Variants in SEC23IP observed in about 807,000 individuals in gnomAD.
SEC23IP encodes SEC23 interacting protein, also known as SEC23-interacting protein.
In SEC23IP, 70 loss-of-function variants were observed where a neutral mutation model predicts 113.4. That is an observed-to-expected ratio of 0.62 (90% CI 0.51 to 0.75). SEC23IP has a LOEUF of 0.75. Ranked by LOEUF, SEC23IP falls within the 30% of genes least tolerant of loss-of-function variation. SEC23IP has a pLI of 0.00. For missense variants in SEC23IP, 1,160 were observed against 1,204.9 expected (o/e 0.96, Z 0.55); for synonymous variants, 398 against 421.0 (o/e 0.95, Z 0.67).
rs750315435 is a variant in SEC23IP at position 119,898,811 on chromosome 10, A to G, written c.548A>G (p.Tyr183Cys). The change falls in exon 2 of 19, where the codon TAT (tyrosine) becomes TGT (cysteine). Residue 183 changes from tyrosine (Y) to cysteine (C), a missense_variant. Tyr to Cys is a radical substitution (Grantham distance 194, BLOSUM62 -2). Coordinates refer to ENST00000369075, the MANE Select transcript of SEC23IP (RefSeq NM_007190.4). ...ATTCCCCAACCAGGATACAATCCAT[A>G]TCGCCATACCCCTGGCAGCAGCAGG... ...QGIPQPGYNP[Y>C]RHTPGSSRAN... is the part of the protein sequence containing the mutation. 22 of 1,614,008 alleles carry G rather than the reference A, an allele frequency of 1.4e-5. No individual in the cohort carries two copies. The highest frequency in any genetic ancestry group is 1.7e-5 in the Non-Finnish European group (20 of 1,180,014).
In SEC23IP at chr10:119,917,825, T is replaced by C; in HGVS notation, c.1545-11T>C. The C allele has an allele frequency of 6.2e-7, 1 of 1,607,448 alleles. No homozygotes were observed. Among genetic ancestry groups the C allele is most frequent in the Non-Finnish European group, 8.5e-7 (1 of 1,174,940 alleles). On this transcript the variant is annotated splice_polypyrimidine_tract_variant and intron_variant, in intron 8 of 18. Transcript: ENST00000369075. ...GCTGACTGAATGTGCTGTATTTTTC[T>C]TTTTAAACAGGAATATTAAGAAAAT...
chr10:119,926,011 G>GT, intron 12 of SEC23IP, 25 bp from the exon 13 acceptor site: 1 of 1,586,416 alleles, frequency 6.3e-7, no homozygotes, highest in African/African-American at 1.4e-5. Context: ...TCATGATTAT[G>GT]TTACTAAATT....
At chr10:119,932,354 T>C in intron 16 of SEC23IP, 36 bp downstream of exon 16, 1 of 1,483,510 alleles carries the variant, frequency 6.7e-7, no homozygotes, top group Non-Finnish European at 9.4e-7. Context: ...CTAATACAAA[T>C]GTTTCATATG....
chr10:119,937,627 AAAAAAAAAAC>A (rs1179011754), intron 18 of SEC23IP, among the ~76,000 whole-genome samples: 1 of 151,836 alleles, frequency 6.6e-6, no homozygotes, highest in Non-Finnish European at 1.5e-5. Context: ...CTCCGTCTAA[AAAAAAAAAAC>A]AAAAAAACAA....
chr10:119,893,485 G>A (rs1384380711), intron 1 of SEC23IP, among the ~76,000 whole-genome samples: 1 of 149,958 alleles, frequency 6.7e-6, no homozygotes, highest in Non-Finnish European at 1.5e-5. Context: ...TAATATTTGT[G>A]AAGTAGACAT....
rs774288951 is a variant in SEC23IP at position 119,932,153 on chromosome 10, C to T, written c.2593C>T (p.Arg865Cys). The change falls in exon 16 of 19, where the codon CGT (arginine) becomes TGT (cysteine). Residue 865 changes from arginine to cysteine, a missense_variant. Coordinates refer to ENST00000369075, the MANE Select transcript of SEC23IP (RefSeq NM_007190.4). ...TTTAGAATTGAAAGAGAGTCTCTCTCGTATGGGATCTGATTTGAAGCAGGG... is the reference window on the plus strand; with the variant it reads ...TTTAGAATTGAAAGAGAGTCTCTCTTGTATGGGATCTGATTTGAAGCAGGG... ...LHLELKESLS[R>C]MGSDLKQGFI... The T allele has an allele frequency of 1.1e-5, 18 of 1,609,984 alleles. No individual in the cohort carries two copies. Among genetic ancestry groups the T allele is most frequent in the Non-Finnish European group, 1.5e-5 (18 of 1,176,344 alleles).
chr10:119,898,863 G>A lies in SEC23IP; in HGVS notation c.600G>A (p.Gln200=). ...CTAATCCTTACATTGCACCACCCCA[G>A]CTGCAGCAGTGCCAAACACCAGGCC... is the stretch of plus-strand genomic sequence containing the variant. ...SRANPYIAPP[Q]LQQCQTPGPP... is the part of the protein sequence containing the mutation. Residue 200 remains glutamine, a synonymous_variant, in exon 2 of 19, where the codon CAG becomes CAA. Transcript: ENST00000369075. 6.2e-7 allele frequency: 1 copy of A among 1,610,680 alleles called. No individual in the cohort carries two copies. The highest frequency in any genetic ancestry group is 8.5e-7 in the Non-Finnish European group (1 of 1,179,986).
intron 10 of SEC23IP, among the ~76,000 whole-genome samples, chr10:119,919,078 C>T (rs79728865): frequency 0.11 from 16,278 of 150,386 alleles, 928 homozygotes; most frequent in South Asian, 0.17. Context: ...ACTGCAACCT[C>T]CGCCTTTCGG....
chr10:119,933,003 A>G lies in SEC23IP; in HGVS notation c.2759-2A>G. The stretch of plus-strand genomic sequence containing the variant: ...TTGATATTGAAATGGTTTAAATTCT[A>G]GCAGAAAAGGTTGTTGAAAGTCCAG... On this transcript the variant is annotated splice_acceptor_variant, in intron 16 of 18. Coordinates refer to ENST00000369075, the MANE Select transcript of SEC23IP (RefSeq NM_007190.4). LOFTEE classifies it high-confidence loss of function. 1 of 1,611,572 alleles carries G rather than the reference A, an allele frequency of 6.2e-7. No homozygotes were observed. Among genetic ancestry groups the G allele is most frequent in the Non-Finnish European group, 8.5e-7 (1 of 1,178,532 alleles).
At chr10:119,935,545 C>G (rs1230666430) in intron 18 of SEC23IP, among the ~76,000 whole-genome samples, 24 of 152,158 alleles carry the variant, frequency 1.6e-4, no homozygotes, top group Non-Finnish European at 3.5e-4. Context: ...ATCTATCCAT[C>G]CATTCATCCA....
chr10:119,932,593 C>T (rs1004284096), intron 16 of SEC23IP, among the ~76,000 whole-genome samples: 4 of 152,052 alleles, frequency 2.6e-5, no homozygotes, highest in African/African-American at 7.2e-5. Context: ...GTGGAATATC[C>T]GAGTTGAGAA....
intron 6 of SEC23IP, chr10:119,914,357 T>A (rs1854972859): frequency 4.5e-6 from 1 of 220,748 alleles, no homozygotes; most frequent in Non-Finnish European, 9.1e-6. Flanking sequence ...AAATGTATGT[T>A]TCTTGTAAAA....
At position 119,938,126 on chromosome 10, in the gene SEC23IP, T is replaced by TAAAAA. The variant is rs71019734; in HGVS notation, c.*21-2444_*21-2440dup. ...GGCAACATAGTGAAACCTCGTCTCTTAAAAAAAAAAAAAAAAAAAATTTAA... is the reference window on the plus strand; with the variant it reads ...GGCAACATAGTGAAACCTCGTCTCTTAAAAAAAAAAAAAAAAAAAAAAAAATTTAA... On this transcript the variant is annotated intron_variant, in intron 18 of 18. Transcript: ENST00000369075. 3.3e-4 allele frequency among the ~76,000 whole-genome samples: 46 copies of TAAAAA among 138,714 alleles called. 1 individual carries two copies. The highest frequency in any genetic ancestry group is 2.7e-3 in the Admixed American group (37 of 13,660). 91.0% of individuals were successfully genotyped at this position (138,714 alleles called of 152,430 possible). A position where few individuals can be genotyped will look rare whatever the true frequency, so the allele number is the denominator to read the frequency against.
At chr10:119,908,718 C>T (rs946526041) in intron 4 of SEC23IP, among the ~76,000 whole-genome samples, 1 of 152,146 alleles carries the variant, frequency 6.6e-6, no homozygotes, top group Non-Finnish European at 1.5e-5. Flanking sequence ...TACTTGGAGC[C>T]TCCAGAACTA....
chr10:119,933,118 G>A lies in SEC23IP; in HGVS notation c.2872G>A (p.Glu958Lys). The change falls in exon 17 of 19, where the codon GAG (glutamate) becomes AAG (lysine). Residue 958 changes from glutamate (E) to lysine (K), a missense_variant. Transcript: ENST00000369075. Reference sequence around the variant, plus strand: ...CTACGTTCTCCAAGAAAAACCAATAGAGAGTTTTAATGAATACCTTTTCGC... The same window carrying A: ...CTACGTTCTCCAAGAAAAACCAATAAAGAGTTTTAATGAATACCTTTTCGC... ...IDYVLQEKPIESFNEYLFALQ... is the reference protein window; with the variant it reads ...IDYVLQEKPIKSFNEYLFALQ... 6.2e-7 allele frequency: 1 copy of A among 1,614,042 alleles called. No individual in the cohort carries two copies. Among genetic ancestry groups the A allele is most frequent in the Non-Finnish European group, 8.5e-7 (1 of 1,179,900 alleles).
chr10:119,909,251 T>C (rs1044709869), intron 5 of SEC23IP, 121 bp downstream of exon 5: 14 of 632,468 alleles, frequency 2.2e-5, no homozygotes, highest in African/African-American at 1.8e-5. Context: ...AACAAGTGCA[T>C]TGCTTTTAAA....
At chr10:119,937,451 C>T in intron 18 of SEC23IP, among the ~76,000 whole-genome samples, 1 of 151,628 alleles carries the variant, frequency 6.6e-6, no homozygotes, top group Admixed American at 6.6e-5. Flanking sequence ...CATGGAGAAA[C>T]CCCATCTCTA....
rs1856031369 is a variant in SEC23IP at position 119,944,489 on chromosome 10, G to A, written c.*3924G>A. The A allele has an allele frequency of 6.6e-6, 1 of 152,402 alleles. No homozygotes were observed. The highest frequency in any genetic ancestry group is 1.9e-4 in the East Asian group (1 of 5,192). 9.4% of individuals were successfully genotyped at this position (152,402 alleles called of 1,614,324 possible). On this transcript the variant is annotated 3_prime_UTR_variant, in exon 19 of 19. Coordinates refer to ENST00000369075, the MANE Select transcript of SEC23IP (RefSeq NM_007190.4). ...AAGACAGGTAAAGAGATGTGGCCAG[G>A]TGAAGACGGAAAAAGGACAGTGCAT...
At chr10:119,901,045 G>T (rs199559061) in intron 2 of SEC23IP, among the ~76,000 whole-genome samples, 7,195 of 87,306 alleles carry the variant, frequency 0.082, 540 homozygotes, top group Admixed American at 0.11. Context: ...TTTAAAGAGT[G>T]GGGGGGGGGT....
Sources: gnomAD v4.1 joint callset for allele counts (sites outside exome capture counted in the v4.1 genomes callset) on GRCh38, gnomAD v4.1.1 for gene constraint, MANE v1.5 for transcripts, NCBI Gene and HGNC (gene_info 2026-07-23, HGNC 2026-07-21) for gene names.